The following PTPRM variants were observed in gnomAD, a reference collection of about 807,000 sequenced individuals.
The protein encoded by PTPRM is protein tyrosine phosphatase receptor type M.
Under a neutral mutation model 186.7 loss-of-function variants are expected in PTPRM, and 47 were observed. The observed-to-expected ratio is 0.25, with a 90% CI of 0.20 to 0.32. PTPRM has a LOEUF of 0.32. Ranked by LOEUF, PTPRM falls within the 10% of genes least tolerant of loss-of-function variation. The probability of loss-of-function intolerance (pLI) is 1.00; values close to 1 mark genes in which losing one functional copy is unlikely to be tolerated. For synonymous variants in PTPRM, 668 were observed against 674.9 expected, an observed-to-expected ratio of 0.99 and a Z score of 0.16; for missense variants, 1,494 against 1,865.0, an observed-to-expected ratio of 0.80 and a Z score of 3.66.
At chr18:8,255,873 G>A (rs2094569923) in intron 19 of PTPRM, among the ~76,000 whole-genome samples, 1 of 152,176 alleles carries the variant, frequency 6.6e-6, no homozygotes, top group South Asian at 2.1e-4. Context: ...ATGGCCGCAG[G>A]GAGAAGGGGA....
At chr18:8,072,468 G>A (rs532028676) in intron 8 of PTPRM, among the ~76,000 whole-genome samples, 19 of 152,160 alleles carry the variant, frequency 1.2e-4, no homozygotes, top group Admixed American at 6.5e-4. Flanking sequence ...GCACACTAGC[G>A]TTTCATTAAT....
chr18:7,811,286 G>A (rs16952554), intron 2 of PTPRM, among the ~76,000 whole-genome samples: 2,095 of 152,244 alleles, frequency 0.014, 53 homozygotes, highest in African/African-American at 0.046. Context: ...TGTAGCAGGA[G>A]CATTTTGCCC....
At chr18:8,273,703 T>C (rs2094799870) in intron 19 of PTPRM, among the ~76,000 whole-genome samples, 1 of 152,182 alleles carries the variant, frequency 6.6e-6, no homozygotes, top group African/African-American at 2.4e-5. Context: ...GTAGGAATCA[T>C]TGGTATATAT....
chr18:7,914,017 T>C (rs939222497), intron 4 of PTPRM, among the ~76,000 whole-genome samples: 1 of 152,194 alleles, frequency 6.6e-6, no homozygotes, highest in East Asian at 1.9e-4. Context: ...ATTTTCCTTA[T>C]TAATTTGTGT....
intron 14 of PTPRM, among the ~76,000 whole-genome samples, chr18:8,203,959 G>A (rs945416803): frequency 2.0e-5 from 3 of 152,102 alleles, no homozygotes; most frequent in Non-Finnish European, 4.4e-5. Context: ...AAAATACATC[G>A]TAACAGTACA....
chr18:8,353,930 G>T (rs549125814), intron 23 of PTPRM, among the ~76,000 whole-genome samples: 1 of 152,320 alleles, frequency 6.6e-6, no homozygotes, highest in South Asian at 2.1e-4. Flanking sequence ...AGTATAATGC[G>T]GCTGGGCGCA....
At chr18:8,045,845 G>A (rs1338127248) in intron 7 of PTPRM, among the ~76,000 whole-genome samples, 1 of 152,036 alleles carries the variant, frequency 6.6e-6, no homozygotes, top group Non-Finnish European at 1.5e-5. Context: ...AAAAGATGTT[G>A]AAAAAAGGGA....
intron 21 of PTPRM, among the ~76,000 whole-genome samples, chr18:8,318,285 CTTTTTTTTTTT>C (rs140026832): frequency 3.3e-5 from 2 of 59,908 alleles, no homozygotes; most frequent in African/African-American, 7.4e-5. Context: ...TTGTTTCCTT[CTTTTTTTTTTT>C]TTTTTTTTTT....
At chr18:8,088,885 G>A in intron 11 of PTPRM, 34 bp downstream of exon 11, 2 of 1,476,386 alleles carry the variant, frequency 1.4e-6, no homozygotes, top group East Asian at 2.3e-5. Context: ...GCTCTAGATA[G>A]AAGAAAACTA....
chr18:7,884,959 G>C (rs1305325592), intron 2 of PTPRM, among the ~76,000 whole-genome samples: 1 of 135,706 alleles, frequency 7.4e-6, no homozygotes, highest in Middle Eastern at 4.2e-3. Flanking sequence ...AAAGGAGAGA[G>C]AGAAAATAGC....
chr18:7,734,511 A>G (rs1428541124), intron 1 of PTPRM, among the ~76,000 whole-genome samples: 1 of 152,218 alleles, frequency 6.6e-6, no homozygotes, highest in Non-Finnish European at 1.5e-5. Flanking sequence ...GCTATCATGT[A>G]ATTCTTTGAA....
chr18:8,205,191 T>G (rs2093911176), intron 14 of PTPRM, among the ~76,000 whole-genome samples: 1 of 152,146 alleles, frequency 6.6e-6, no homozygotes, highest in African/African-American at 2.4e-5. Flanking sequence ...ATAGAAAGCT[T>G]TAAGAACTAT....
chr18:7,850,623 A>G (rs1233417027), intron 2 of PTPRM, among the ~76,000 whole-genome samples: 1 of 152,168 alleles, frequency 6.6e-6, no homozygotes, highest in African/African-American at 2.4e-5. Flanking sequence ...AAAGGGTTTC[A>G]CTGTAGGAAT....
In PTPRM at chr18:7,817,874, G is replaced by A. The variant is rs11877747; in HGVS notation, c.196+43603G>A. ...GGTCTCCGCTTGGAGTAAGACTCCC[G>A]GAAGCTGGAAGGGAATGAGGCTACA... On this transcript the variant is annotated intron_variant, in intron 2 of 32. Coordinates refer to ENST00000580170, the MANE Select transcript of PTPRM (RefSeq NM_001105244.2). 3.8e-3 allele frequency among the ~76,000 whole-genome samples: 584 copies of A among 152,244 alleles called. 3 individuals carry two copies. The highest frequency in any genetic ancestry group is 0.013 in the African/African-American group (532 of 41,530).
chr18:8,152,550 G>A (rs1056896148), intron 14 of PTPRM, among the ~76,000 whole-genome samples: 1 of 151,830 alleles, frequency 6.6e-6, no homozygotes, highest in Non-Finnish European at 1.5e-5. Context: ...TCTACCCATC[G>A]TGTGATTCCT....
intron 13 of PTPRM, among the ~76,000 whole-genome samples, chr18:8,128,579 T>C (rs2092428914): frequency 6.6e-6 from 1 of 152,188 alleles, no homozygotes; most frequent in Admixed American, 6.5e-5. Context: ...TTTGTTCTTT[T>C]ATGTGTTATA....
At chr18:8,039,227 G>A (rs1398342570) in intron 7 of PTPRM, among the ~76,000 whole-genome samples, 1 of 151,968 alleles carries the variant, frequency 6.6e-6, no homozygotes, top group Non-Finnish European at 1.5e-5. Flanking sequence ...ATAAGAAAAT[G>A]AAGCTTCATA....
chr18:7,838,822 A>C (rs2046187295), intron 2 of PTPRM, among the ~76,000 whole-genome samples: 1 of 152,120 alleles, frequency 6.6e-6, no homozygotes, highest in African/African-American at 2.4e-5. Context: ...TGAGTCAAAA[A>C]CCTTAGAAGT....
intron 5 of PTPRM, chr18:7,946,739 G>A (rs1309705652): frequency 1.4e-5 from 4 of 282,746 alleles, no homozygotes; most frequent in Admixed American, 4.7e-5. Flanking sequence ...TCTGACTTAC[G>A]GCATTGTGTG....
Sources: gnomAD v4.1 joint callset for allele counts (sites outside exome capture counted in the v4.1 genomes callset) on GRCh38, gnomAD v4.1.1 for gene constraint, MANE v1.5 for transcripts, NCBI Gene and HGNC (gene_info 2026-07-23, HGNC 2026-07-21) for gene names.